CUX2: variants seen among roughly 807,000 people sequenced by gnomAD.
CUX2 encodes the protein cut like homeobox 2.
CUX2 carries 40 observed loss-of-function variants against 144.8 expected under a neutral mutation model. The ratio of observed to expected loss-of-function variants is 0.28; its 90% CI spans 0.21 to 0.36. The LOEUF (loss-of-function observed/expected upper bound fraction) is 0.36, where lower values mean the gene tolerates loss of function less well. Among genes scored for constraint, CUX2 ranks in the 10% least tolerant of loss-of-function variants. The pLI is 1.00. For synonymous variants in CUX2, 827 were observed against 875.6 expected (o/e 0.94, Z 0.98); for missense variants, 1,615 against 1,994.0 (o/e 0.81, Z 3.62).
chr12:111,315,000 G>A (rs550312634), intron 16 of CUX2, among the ~76,000 whole-genome samples: 9 of 152,214 alleles, frequency 5.9e-5, no homozygotes, highest in South Asian at 4.1e-4. Flanking sequence ...CCTGGGGGTC[G>A]GAAGCAGGCA....
chr12:111,109,189 C>G (rs765269121), intron 1 of CUX2, among the ~76,000 whole-genome samples: 15 of 152,230 alleles, frequency 9.9e-5, no homozygotes, highest in Non-Finnish European at 2.1e-4. Context: ...CCCTCTTTCT[C>G]TCTCTTAGCT....
rs1051359661 is a variant in CUX2, at chr12:111,160,744, G to A, written c.64-53456G>A. Among the ~76,000 whole-genome samples the A allele has an allele frequency of 2.0e-5, 3 of 152,142 alleles. No homozygotes were observed. The highest frequency in any genetic ancestry group is 2.9e-5 in the Non-Finnish European group (2 of 68,012). On this transcript the variant is annotated intron_variant, in intron 1 of 21. Coordinates refer to ENST00000261726, the MANE Select transcript of CUX2 (RefSeq NM_015267.4). The surrounding 1 kb of genome is among the most constrained non-coding windows in gnomAD (Gnocchi z 4.1). Reference sequence around the variant, plus strand: ...GGCAGGCGGTGGCCTGGAGGAGGAGGCTTGGTGACAGAAGATGGCTTGGAC... The same window carrying A: ...GGCAGGCGGTGGCCTGGAGGAGGAGACTTGGTGACAGAAGATGGCTTGGAC...
chr12:111,287,220 AG>A lies in CUX2; in HGVS notation c.302-4197del, dbSNP rs1885432244. ...AATCCCTGCGAACAGGGTGAGTGAC[AG>A]ACATCCTTTATCACCAAGTATAGTC... On this transcript the variant is annotated intron_variant, in intron 4 of 21. Coordinates refer to ENST00000261726, the MANE Select transcript of CUX2 (RefSeq NM_015267.4). This position sits in a 1 kb window ranked among gnomAD's most constrained non-coding sequence, Gnocchi z 4.2. 2.0e-5 allele frequency among the ~76,000 whole-genome samples: 3 copies of A among 152,352 alleles called. No homozygotes were observed. In the South Asian group the frequency reaches 6.2e-4, roughly 32 times the overall value.
chr12:111,165,049 C>T (rs113511720), intron 1 of CUX2, among the ~76,000 whole-genome samples: 1,992 of 152,250 alleles, frequency 0.013, 41 homozygotes, highest in African/African-American at 0.045. Context: ...TCCAGCCATA[C>T]CTGAAGCCAC....
intron 1 of CUX2, among the ~76,000 whole-genome samples, chr12:111,166,090 C>T (rs572830600): frequency 6.6e-6 from 1 of 152,298 alleles, no homozygotes; most frequent in Non-Finnish European, 1.5e-5. Context: ...GTGATCACGG[C>T]TCACTGCAGC....
Position 111,308,141 on chromosome 12 carries a change from G to A in CUX2, c.1110-144G>A, listed in dbSNP as rs1886692141. The A allele has an allele frequency of 4.4e-6, 4 of 900,140 alleles. No individual in the cohort carries two copies. The Admixed American group carries it at 8.0e-5, about 18-fold the overall frequency. The allele number at this position is 900,140 out of a possible 1,614,324, so 55.8% of individuals were successfully genotyped here. A position where few individuals can be genotyped will look rare whatever the true frequency, so the allele number is the denominator to read the frequency against. On this transcript the variant is annotated intron_variant, in intron 12 of 21. Transcript: ENST00000261726. ...ATGAGCCTGCTACTTCAGGCCTGGG[G>A]TTGCAATGACTCTGGAATTAATGGG... is the stretch of plus-strand genomic sequence containing the variant.
At position 111,287,929 on chromosome 12, in the gene CUX2, C is replaced by T. The variant is rs536202166; in HGVS notation, c.302-3489C>T. On this transcript the variant is annotated intron_variant, in intron 4 of 21. Transcript: ENST00000261726. This position sits in a 1 kb window ranked among gnomAD's most constrained non-coding sequence, Gnocchi z 4.2. ...TTCATGGTAGGTAGAAGAATTCCAG[C>T]AGGGTAGGGGTGGAAGGGAGTGCAA... Among the ~76,000 whole-genome samples the T allele has an allele frequency of 6.6e-6, 1 of 152,298 alleles. No homozygotes were observed. The highest frequency in any genetic ancestry group is 2.4e-5 in the African/African-American group (1 of 41,568).
chr12:111,298,420 T>C, intron 8 of CUX2, 121 bp from the exon 9 acceptor site: 3 of 983,704 alleles, frequency 3.0e-6, no homozygotes, highest in Non-Finnish European at 4.5e-6. Flanking sequence ...GCCCGATTTC[T>C]CTCCTGTAGC....
At chr12:111,090,697 T>G (rs1732382210) in intron 1 of CUX2, among the ~76,000 whole-genome samples, 3 of 152,260 alleles carry the variant, frequency 2.0e-5, no homozygotes, top group South Asian at 4.1e-4. Flanking sequence ...TGCAGTGAAC[T>G]GCAAAAAATC....
chr12:111,067,891 C>T (rs1450541586), intron 1 of CUX2, among the ~76,000 whole-genome samples: 1 of 152,130 alleles, frequency 6.6e-6, no homozygotes, highest in African/African-American at 2.4e-5. Context: ...TGGCCATGTT[C>T]GTGTCACTGA....
In CUX2 at chr12:111,069,533, T is replaced by TGTGTGTGTGTGTGTGTGCGCGCGCGC. The variant is rs1555266237; in HGVS notation, c.63+35310_63+35311insCGCGCGCGCGTGTGTGTGTGTGTGTG. On this transcript the variant is annotated intron_variant, in intron 1 of 21. Coordinates refer to ENST00000261726, the MANE Select transcript of CUX2 (RefSeq NM_015267.4). ...CAAAGCCTTGCTCTGTGTGTGTGTGTGTGTGTGTGTGTGTGTGTGCGCGCG... is the reference window on the plus strand; with the variant it reads ...CAAAGCCTTGCTCTGTGTGTGTGTGTGTGTGTGTGTGTGTGTGCGCGCGCGCGTGTGTGTGTGTGTGTGTGCGCGCG... Among the ~76,000 whole-genome samples the TGTGTGTGTGTGTGTGTGCGCGCGCGC allele has an allele frequency of 1.6e-4, 23 of 148,264 alleles. No homozygotes were observed. The South Asian group carries it at 3.3e-3, about 21-fold the overall frequency.
intron 4 of CUX2, among the ~76,000 whole-genome samples, chr12:111,265,586 G>T (rs534685199): frequency 8.6e-5 from 13 of 151,722 alleles, no homozygotes; most frequent in Admixed American, 8.5e-4. Context: ...CAAGTGATCC[G>T]CCCACCTCAG....
At chr12:111,345,601 G>C (rs1436282490) in intron 21 of CUX2, among the ~76,000 whole-genome samples, 1 of 151,728 alleles carries the variant, frequency 6.6e-6, no homozygotes, top group Non-Finnish European at 1.5e-5. Context: ...AATTAGCCAG[G>C]CGTGGTGGCG....
At chr12:111,192,282 G>T (rs1402924979) in intron 1 of CUX2, among the ~76,000 whole-genome samples, 1 of 151,616 alleles carries the variant, frequency 6.6e-6, no homozygotes, top group East Asian at 1.9e-4. Context: ...ACACACCACC[G>T]ACGCCCAGCT....
intron 8 of CUX2, among the ~76,000 whole-genome samples, chr12:111,298,057 G>A (rs1565900169): frequency 1.3e-5 from 2 of 152,232 alleles, no homozygotes; most frequent in Non-Finnish European, 2.9e-5. Flanking sequence ...TGTGGCCTTG[G>A]GTCACAAAGT....
In CUX2 at chr12:111,304,202, C is replaced by A; in HGVS notation, c.754-8C>A. 1 of 1,609,694 alleles carries A rather than the reference C, an allele frequency of 6.2e-7. No homozygotes were observed. Among genetic ancestry groups the A allele is most frequent in the Non-Finnish European group, 8.5e-7 (1 of 1,177,764 alleles). ...CACCTCTCGCCCACACTGTCCCCTT[C>A]TCCCCAGCGAGCTGAGGCTGCCCAG... On this transcript the variant is annotated splice_polypyrimidine_tract_variant and splice_region_variant and intron_variant, in intron 9 of 21. Transcript: ENST00000261726. This position sits in a 1 kb window ranked among gnomAD's most constrained non-coding sequence, Gnocchi z 4.7.
intron 1 of CUX2, among the ~76,000 whole-genome samples, chr12:111,193,012 G>T (rs2136196847): frequency 6.6e-6 from 1 of 152,316 alleles, no homozygotes; most frequent in Admixed American, 6.5e-5. Context: ...GCACCTAAAA[G>T]GGTCCCAAGA....
Position 111,263,757 on chromosome 12 carries a change from A to G in CUX2, c.223-4A>G. 1 of 1,613,116 alleles carries G rather than the reference A, an allele frequency of 6.2e-7. No individual in the cohort carries two copies. Among genetic ancestry groups the G allele is most frequent in the Non-Finnish European group, 8.5e-7 (1 of 1,179,106 alleles). The stretch of plus-strand genomic sequence containing the variant: ...CGTGACTCTTTCTCTTGTTGTCTCC[A>G]AAGGTGGTGGCCCTTAGTAAGAGAA... On this transcript the variant is annotated splice_polypyrimidine_tract_variant and splice_region_variant and intron_variant, in intron 3 of 21. Transcript: ENST00000261726. This position sits in a 1 kb window ranked among gnomAD's most constrained non-coding sequence, Gnocchi z 4.0.
At chr12:111,101,992 T>A (rs1186300456) in intron 1 of CUX2, among the ~76,000 whole-genome samples, 1 of 152,246 alleles carries the variant, frequency 6.6e-6, no homozygotes, top group Non-Finnish European at 1.5e-5. Flanking sequence ...CTATTATTGT[T>A]ATTTCTGGAA....
Sources: allele counts gnomAD v4.1 joint callset (sites outside exome capture counted in the v4.1 genomes callset), GRCh38; gene constraint gnomAD v4.1.1; non-coding constraint Gnocchi (gnomAD v3.1); transcripts MANE v1.5; gene names NCBI Gene and HGNC (gene_info 2026-07-23, HGNC 2026-07-21).